Variants in GRID2 observed in about 807,000 individuals in gnomAD.
The protein encoded by GRID2 is glutamate receptor ionotropic, delta-2.
Under a neutral mutation model 114.8 loss-of-function variants are expected in GRID2, and 33 were observed. That is an observed-to-expected ratio of 0.29 (90% confidence interval 0.22 to 0.38). GRID2 has a LOEUF of 0.38. Among genes scored for constraint, GRID2 ranks in the 10% least tolerant of loss-of-function variants. The pLI is 1.00. For synonymous variants in GRID2, 505 were observed against 449.9 expected, an observed-to-expected ratio of 1.12 and a Z score of -1.55; for missense variants, 1,184 against 1,257.7, an observed-to-expected ratio of 0.94 and a Z score of 0.89.
intron 1 of GRID2, among the ~76,000 whole-genome samples, chr4:92,531,456 G>A (rs961776441): frequency 5.3e-5 from 8 of 152,066 alleles, no homozygotes; most frequent in African/African-American, 1.9e-4. Flanking sequence ...TTAGTGGGAA[G>A]GCAGAGGAAA....
intron 4 of GRID2, among the ~76,000 whole-genome samples, chr4:93,112,429 A>G (rs941520388): frequency 6.6e-6 from 1 of 152,108 alleles, no homozygotes; most frequent in African/African-American, 2.4e-5. Context: ...TTCTCATGAT[A>G]GTGAGGGAGT....
At chr4:92,823,596 A>G (rs914379458) in intron 2 of GRID2, among the ~76,000 whole-genome samples, 1 of 151,388 alleles carries the variant, frequency 6.6e-6, no homozygotes, top group African/African-American at 2.5e-5. Context: ...ATTAGAAACA[A>G]TCACTGAAAA....
downstream of GRID2, among the ~76,000 whole-genome samples, chr4:93,776,635 G>A (rs1279878150): frequency 6.6e-6 from 1 of 152,090 alleles, no homozygotes; most frequent in African/African-American, 2.4e-5. Flanking sequence ...TTCTTGGTTG[G>A]GTGACTGACT....
intron 9 of GRID2, among the ~76,000 whole-genome samples, chr4:93,421,803 G>C (rs927993953): frequency 6.7e-6 from 1 of 149,368 alleles, no homozygotes; most frequent in Non-Finnish European, 1.5e-5. Flanking sequence ...CAAAATGAAA[G>C]CATTATGAAG....
chr4:92,596,716 A>G (rs1728972024), intron 2 of GRID2, among the ~76,000 whole-genome samples: 1 of 151,898 alleles, frequency 6.6e-6, no homozygotes, highest in African/African-American at 2.4e-5. Flanking sequence ...AACAGCTCAC[A>G]CAAACCTTTT....
At chr4:92,424,008 C>A (rs1431175816) in intron 1 of GRID2, among the ~76,000 whole-genome samples, 1 of 152,052 alleles carries the variant, frequency 6.6e-6, no homozygotes, top group African/African-American at 2.4e-5. Flanking sequence ...AGTGTTAAAC[C>A]AATTTCCTTT....
chr4:92,854,405 G>T (rs1242373096), intron 2 of GRID2, among the ~76,000 whole-genome samples: 1 of 151,974 alleles, frequency 6.6e-6, no homozygotes, highest in East Asian at 1.9e-4. Context: ...CATTTACTGA[G>T]AAAGCCATCA....
At chr4:93,591,829 T>C (rs1462679075) in intron 13 of GRID2, among the ~76,000 whole-genome samples, 11 of 152,090 alleles carry the variant, frequency 7.2e-5, no homozygotes, top group Admixed American at 5.9e-4. Context: ...TCTAGATTTT[T>C]TAGTTTATTT....
In GRID2 at chr4:93,603,269, G is replaced by A. The variant is rs139229215; in HGVS notation, c.2194-23000G>A. On this transcript the variant is annotated intron_variant, in intron 13 of 15. Coordinates refer to ENST00000282020, the MANE Select transcript of GRID2 (RefSeq NM_001510.4). ...GTGAAACAGCCTCATTGCTGATATG[G>A]AGAAAGTTGTAGTGGTGTTGTTAGA... Among the ~76,000 whole-genome samples the A allele has an allele frequency of 1.1e-3, 175 of 152,216 alleles. 1 individual carries two copies. The highest frequency in any genetic ancestry group is 4.1e-3 in the African/African-American group (169 of 41,554).
intron 1 of GRID2, among the ~76,000 whole-genome samples, chr4:92,468,453 G>T (rs1053219793): frequency 6.6e-6 from 1 of 151,818 alleles, no homozygotes; most frequent in Non-Finnish European, 1.5e-5. Flanking sequence ...TACCTACTTG[G>T]TGGCATCCTT....
intron 8 of GRID2, among the ~76,000 whole-genome samples, chr4:93,253,873 T>C (rs998255404): frequency 2.0e-5 from 3 of 152,182 alleles, no homozygotes; most frequent in African/African-American, 7.2e-5. Context: ...GTTGTCGATA[T>C]AGGTTCCCCG....
chr4:92,353,084 A>G (rs757835915), intron 1 of GRID2, among the ~76,000 whole-genome samples: 1 of 151,780 alleles, frequency 6.6e-6, no homozygotes, highest in Admixed American at 6.6e-5. Context: ...ATGATAGTTC[A>G]TATTAACTTA....
intron 2 of GRID2, among the ~76,000 whole-genome samples, chr4:92,863,479 A>C (rs1339870659): frequency 6.6e-6 from 1 of 152,154 alleles, no homozygotes; most frequent in Non-Finnish European, 1.5e-5. Context: ...AATAAATGAC[A>C]ACGGAAAATG....
chr4:92,975,192 T>G (rs531876307), intron 2 of GRID2, among the ~76,000 whole-genome samples: 260 of 92,500 alleles, frequency 2.8e-3, no homozygotes, highest in Non-Finnish European at 4.1e-3. Context: ...TTGATTAACA[T>G]CTAGCTTATT....
intron 10 of GRID2, among the ~76,000 whole-genome samples, chr4:93,434,525 T>C (rs1304289149): frequency 6.6e-6 from 1 of 152,114 alleles, no homozygotes; most frequent in Non-Finnish European, 1.5e-5. Context: ...TAATTTTGTC[T>C]TTTCAGCCAC....
chr4:92,407,723 A>G (rs939240165), intron 1 of GRID2, among the ~76,000 whole-genome samples: 2 of 152,072 alleles, frequency 1.3e-5, no homozygotes, highest in Admixed American at 6.6e-5. Context: ...GGTTGCTTGT[A>G]TGTTTTCTTT....
intron 1 of GRID2, among the ~76,000 whole-genome samples, chr4:92,398,396 G>C (rs971135118): frequency 5.3e-5 from 8 of 152,192 alleles, no homozygotes; most frequent in African/African-American, 1.9e-4. Flanking sequence ...GATCTCCTGG[G>C]CTCAAGTGAT....
intron 1 of GRID2, among the ~76,000 whole-genome samples, chr4:92,422,427 G>A (rs543704731): frequency 6.6e-6 from 1 of 152,112 alleles, no homozygotes; most frequent in Non-Finnish European, 1.5e-5. Flanking sequence ...TTTTATTTTT[G>A]TGGGAGACCA....
intron 2 of GRID2, among the ~76,000 whole-genome samples, chr4:92,990,747 G>A (rs1043644759): frequency 6.6e-6 from 1 of 151,948 alleles, no homozygotes; most frequent in African/African-American, 2.4e-5. Flanking sequence ...CAGACACAGA[G>A]ACCTAAATGA....
Sources: allele counts gnomAD v4.1 joint callset (sites outside exome capture counted in the v4.1 genomes callset), GRCh38; gene constraint gnomAD v4.1.1; transcripts MANE v1.5; gene names NCBI Gene and HGNC (gene_info 2026-07-23, HGNC 2026-07-21).